The following CAMTA1 variants were observed in gnomAD, a reference collection of about 807,000 sequenced individuals.
CAMTA1 encodes calmodulin binding transcription activator 1.
In CAMTA1, 27 loss-of-function variants were observed where a neutral mutation model predicts 170.9. The ratio of observed to expected loss-of-function variants is 0.16; its 90% confidence interval spans 0.12 to 0.22. The LOEUF (loss-of-function observed/expected upper bound fraction) is 0.22, where lower values mean the gene tolerates loss of function less well. Among genes scored for constraint, CAMTA1 ranks in the 10% least tolerant of loss-of-function variants. The pLI, the probability that CAMTA1 is intolerant of heterozygous loss-of-function variation, is 1.00. For synonymous variants in CAMTA1, 833 were observed against 891.5 expected (o/e 0.93, Z 1.17); for missense variants, 1,619 against 2,217.2 (o/e 0.73, Z 5.42).
chr1:7,695,647 G>C (rs974659127), intron 11 of CAMTA1, among the ~76,000 whole-genome samples: 9 of 152,162 alleles, frequency 5.9e-5, no homozygotes, highest in African/African-American at 2.2e-4. Flanking sequence ...GAGCCAGTGA[G>C]GTGCTGGCCT....
intron 1 of CAMTA1, among the ~76,000 whole-genome samples, chr1:6,804,598 A>G (rs1029707669): frequency 6.6e-6 from 1 of 152,134 alleles, no homozygotes; most frequent in Non-Finnish European, 1.5e-5. Context: ...AAATAGAATC[A>G]TGTAGTGTTT....
chr1:6,926,629 C>T (rs1683324158), intron 3 of CAMTA1, among the ~76,000 whole-genome samples: 1 of 146,382 alleles, frequency 6.8e-6, no homozygotes, highest in African/African-American at 2.5e-5. Flanking sequence ...TCTCCCCTCC[C>T]CTCCTCTTCT....
chr1:6,824,350 T>C (rs891161556), intron 2 of CAMTA1, among the ~76,000 whole-genome samples: 4 of 152,176 alleles, frequency 2.6e-5, no homozygotes, highest in African/African-American at 9.7e-5. Flanking sequence ...ATAAAGGAAA[T>C]GATCTCTTCT....
chr1:6,976,986 CTT>C (rs201750164), intron 3 of CAMTA1, among the ~76,000 whole-genome samples: 39,715 of 151,958 alleles, frequency 0.26, 5,630 homozygotes, highest in Admixed American at 0.35. Flanking sequence ...CATGCCTTCT[CTT>C]CTCCTTTGCC....
chr1:7,316,560 C>A (rs1677533883), intron 5 of CAMTA1, among the ~76,000 whole-genome samples: 1 of 152,200 alleles, frequency 6.6e-6, no homozygotes, highest in East Asian at 1.9e-4. Context: ...TTCATAGAAT[C>A]CTTTCCAGGT....
intron 4 of CAMTA1, among the ~76,000 whole-genome samples, chr1:7,133,473 T>G (rs2213773): frequency 0.62 from 94,657 of 151,924 alleles, 30,084 homozygotes; most frequent in African/African-American, 0.75. Flanking sequence ...TTTTTTCCCT[T>G]ATCAGTTTTT....
At chr1:7,481,474 T>G (rs991223555) in intron 6 of CAMTA1, among the ~76,000 whole-genome samples, 12 of 152,162 alleles carry the variant, frequency 7.9e-5, no homozygotes, top group African/African-American at 2.9e-4. Context: ...CAGGTCTCCT[T>G]TCAACTTTCA....
chr1:7,104,979 T>C (rs920883970), intron 4 of CAMTA1, among the ~76,000 whole-genome samples: 1 of 152,220 alleles, frequency 6.6e-6, no homozygotes, highest in Admixed American at 6.5e-5. Context: ...CTGCTCCTTC[T>C]AGAAAAATTC....
intron 5 of CAMTA1, among the ~76,000 whole-genome samples, chr1:7,364,174 T>C (rs1423628948): frequency 1.3e-5 from 2 of 152,232 alleles, no homozygotes; most frequent in Non-Finnish European, 2.9e-5. Context: ...TATCGAGTGC[T>C]GACTCTATGC....
At chr1:6,808,197 A>G (rs939238619) in intron 1 of CAMTA1, among the ~76,000 whole-genome samples, 1 of 152,046 alleles carries the variant, frequency 6.6e-6, no homozygotes, top group African/African-American at 2.4e-5. Context: ...ATCTGGATTT[A>G]ATTCTCTGCT....
At chr1:7,603,100 C>T (rs1207659047) in intron 6 of CAMTA1, among the ~76,000 whole-genome samples, 2 of 152,158 alleles carry the variant, frequency 1.3e-5, no homozygotes, top group Non-Finnish European at 2.9e-5. Flanking sequence ...GCTTTACTTC[C>T]AACTATGTGG....
At chr1:7,354,924 G>A (rs1196648665) in intron 5 of CAMTA1, among the ~76,000 whole-genome samples, 1 of 152,098 alleles carries the variant, frequency 6.6e-6, no homozygotes, top group Non-Finnish European at 1.5e-5. Context: ...CATCTGGGCT[G>A]GGTTCAGTGG....
intron 3 of CAMTA1, among the ~76,000 whole-genome samples, chr1:6,985,688 A>T (rs1442614834): frequency 6.6e-6 from 1 of 152,234 alleles, no homozygotes; most frequent in Non-Finnish European, 1.5e-5. Flanking sequence ...GAAGGTGGCT[A>T]GACAGAGTGA....
In CAMTA1 at chr1:7,633,022, C is replaced by T. The variant is rs554309226; in HGVS notation, c.511-7378C>T. ...TCCTGAGCCCTCTGCCTGCCTCACC[C>T]CCTCCTGGCAAGGTTCAGGCTAGCA... On this transcript the variant is annotated intron_variant, in intron 6 of 22. Coordinates refer to ENST00000303635, the MANE Select transcript of CAMTA1 (RefSeq NM_015215.4). This position sits in a 1 kb window ranked among gnomAD's most constrained non-coding sequence, Gnocchi z 4.1. 6.6e-6 allele frequency among the ~76,000 whole-genome samples: 1 copy of T among 152,358 alleles called. No homozygotes were observed. Among genetic ancestry groups the T allele is most frequent in the East Asian group, 1.9e-4 (1 of 5,176 alleles).
At chr1:7,030,656 C>CT (rs1339519005) in intron 3 of CAMTA1, among the ~76,000 whole-genome samples, 2 of 151,996 alleles carry the variant, frequency 1.3e-5, no homozygotes, top group Admixed American at 6.5e-5. Flanking sequence ...AAATGAATTC[C>CT]TTTTTTTGTG....
chr1:7,273,091 G>T (rs1028633706), intron 5 of CAMTA1, among the ~76,000 whole-genome samples: 1 of 152,154 alleles, frequency 6.6e-6, no homozygotes, highest in Non-Finnish European at 1.5e-5. Context: ...CAAAAAAAGA[G>T]AGATAATAGT....
At chr1:7,308,705 C>T (rs888640333) in intron 5 of CAMTA1, among the ~76,000 whole-genome samples, 6 of 152,264 alleles carry the variant, frequency 3.9e-5, no homozygotes, top group African/African-American at 1.4e-4. Flanking sequence ...TTGTAGATTT[C>T]AATTCTTTTA....
In CAMTA1 at chr1:7,744,923, G is replaced by A; in HGVS notation, c.4271G>A (p.Gly1424Glu). ...AATTTTGTGCCCATGGAGTCCTCAG[G>A]ATTGGAAAGAACAGACCCTGCCACC... The part of the protein sequence containing the change: ...QENFVPMESS[G>E]LERTDPATIS... Residue 1424 changes from glycine to glutamate, a missense_variant, in exon 17 of 23, where the codon GGA becomes GAA. Coordinates refer to ENST00000303635, the MANE Select transcript of CAMTA1 (RefSeq NM_015215.4). 7 of 1,614,100 alleles carry A rather than the reference G, an allele frequency of 4.3e-6. No homozygotes were observed. The highest frequency in any genetic ancestry group is 5.9e-6 in the Non-Finnish European group (7 of 1,180,020).
At chr1:7,536,084 G>A (rs984284850) in intron 6 of CAMTA1, among the ~76,000 whole-genome samples, 3 of 152,064 alleles carry the variant, frequency 2.0e-5, no homozygotes, top group African/African-American at 4.8e-5. Flanking sequence ...TAAACTAAAC[G>A]CTGACAAAGG....
Sources: gnomAD v4.1 joint callset for allele counts (sites outside exome capture counted in the v4.1 genomes callset) on GRCh38, gnomAD v4.1.1 for gene constraint, Gnocchi (gnomAD v3.1) non-coding constraint, MANE v1.5 for transcripts, NCBI Gene and HGNC (gene_info 2026-07-23, HGNC 2026-07-21) for gene names.